EGFR: variants seen among roughly 807,000 people sequenced by gnomAD.
EGFR encodes avian erythroblastic leukemia viral (v-erb-b) oncogene homolog.
Under a neutral mutation model 143.0 loss-of-function variants are expected in EGFR, and 58 were observed. That is an observed-to-expected ratio of 0.41 (90% CI 0.33 to 0.50). EGFR has a LOEUF of 0.50. EGFR is among the 20% of genes least tolerant of loss of function. EGFR has a pLI of 0.39. For missense variants in EGFR, 1,307 were observed against 1,579.0 expected (o/e 0.83, Z 2.92); for synonymous variants, 613 against 594.4 (o/e 1.03, Z -0.45).
chr7:55,131,949 A>G (rs1793864455), intron 1 of EGFR, among the ~76,000 whole-genome samples: 1 of 151,482 alleles, frequency 6.6e-6, no homozygotes, highest in Admixed American at 6.6e-5. Context: ...GAAAAAAAAA[A>G]AAAAAAAAGA....
At chr7:55,122,513 T>A (rs7808726) in intron 1 of EGFR, among the ~76,000 whole-genome samples, 1 of 152,228 alleles carries the variant, frequency 6.6e-6, no homozygotes, top group Non-Finnish European at 1.5e-5. Flanking sequence ...GCTGCGCATT[T>A]CTGCCCTTCT....
intron 19 of EGFR, chr7:55,180,929 A>T (rs1786833019): frequency 2.7e-6 from 1 of 369,196 alleles, no homozygotes; most frequent in South Asian, 2.5e-5. Flanking sequence ...AAAACACAGC[A>T]TCCTCAACCT....
At chr7:55,092,946 A>G (rs2128895751) in intron 1 of EGFR, among the ~76,000 whole-genome samples, 1 of 152,364 alleles carries the variant, frequency 6.6e-6, no homozygotes, top group African/African-American at 2.4e-5. Flanking sequence ...AGAATAACCA[A>G]TTAGAGTATT....
At position 55,153,158 on chromosome 7, in the gene EGFR, C is replaced by G. The variant is rs10268378; in HGVS notation, c.747+494C>G. On this transcript the variant is annotated intron_variant, in intron 6 of 27. Coordinates refer to ENST00000275493, the MANE Select transcript of EGFR (RefSeq NM_005228.5). ...GGGGCTGGGTTAGGGCCTCCTGACA[C>G]GGATCCCTCGGCTCCTCCACCACTG... is the stretch of plus-strand genomic sequence containing the variant. Among the ~76,000 whole-genome samples the G allele has an allele frequency of 4.4e-3, 677 of 152,346 alleles. 3 individuals carry two copies. Among genetic ancestry groups the G allele is most frequent in the African/African-American group, 0.014 (581 of 41,590 alleles).
chr7:55,077,499 G>C (rs1482687884), intron 1 of EGFR, among the ~76,000 whole-genome samples: 4 of 152,152 alleles, frequency 2.6e-5, no homozygotes, highest in Non-Finnish European at 5.9e-5. Flanking sequence ...CTCTGACAGT[G>C]AAAAGTGTGT....
chr7:55,101,478 A>G (rs1791822164), intron 1 of EGFR, among the ~76,000 whole-genome samples: 1 of 152,036 alleles, frequency 6.6e-6, no homozygotes, highest in African/African-American at 2.4e-5. Flanking sequence ...TCCTCTTATC[A>G]CTGTGCTTTT....
intron 1 of EGFR, among the ~76,000 whole-genome samples, chr7:55,100,136 C>G (rs1330464527): frequency 6.6e-6 from 1 of 152,352 alleles, no homozygotes; most frequent in East Asian, 1.9e-4. Context: ...ACTGTGGTGG[C>G]TTTGCCTTTC....
At chr7:55,079,070 G>A (rs1790306559) in intron 1 of EGFR, among the ~76,000 whole-genome samples, 1 of 152,242 alleles carries the variant, frequency 6.6e-6, no homozygotes, top group South Asian at 2.1e-4. Flanking sequence ...AGGCAGCAGG[G>A]ACAGCCTTCA....
At chr7:55,105,692 G>A (rs1419317237) in intron 1 of EGFR, among the ~76,000 whole-genome samples, 1 of 152,156 alleles carries the variant, frequency 6.6e-6, no homozygotes, top group Non-Finnish European at 1.5e-5. Flanking sequence ...AACATCCAGG[G>A]TGAATCACAA....
In EGFR at chr7:55,191,998, G is replaced by A. The variant is rs575749497; in HGVS notation, c.2625+124G>A. 438 of 1,432,058 alleles carry A rather than the reference G, an allele frequency of 3.1e-4. 3 individuals are homozygous for A. In the South Asian group the frequency reaches 3.6e-3, roughly 12 times the overall value. 88.7% of individuals were successfully genotyped at this position (1,432,058 alleles called of 1,614,324 possible). On this transcript the variant is annotated intron_variant, in intron 21 of 27. Transcript: ENST00000275493. The stretch of plus-strand genomic sequence containing the variant: ...CTCTCCAGACATTCTGGGTGAGCTC[G>A]CAGCAGCTGCTGCTGGCAGCTGGGT...
At chr7:55,038,993 G>C (rs1334128081) in intron 1 of EGFR, among the ~76,000 whole-genome samples, 1 of 150,956 alleles carries the variant, frequency 6.6e-6, no homozygotes, top group Non-Finnish European at 1.5e-5. Flanking sequence ...GGGTAGATCT[G>C]GTACCAGTTA....
At chr7:55,050,754 C>T (rs1307171628) in intron 1 of EGFR, among the ~76,000 whole-genome samples, 2 of 152,202 alleles carry the variant, frequency 1.3e-5, no homozygotes, top group African/African-American at 4.8e-5. Flanking sequence ...CACGCTCTCT[C>T]ATCTTGGAGC....
chr7:55,195,654 G>A (rs768390445), intron 22 of EGFR, among the ~76,000 whole-genome samples: 7 of 152,038 alleles, frequency 4.6e-5, no homozygotes, highest in African/African-American at 9.7e-5. Context: ...TATTTTTCCT[G>A]ATCCTCTCCC....
chr7:55,097,002 C>G (rs1209321640), intron 1 of EGFR, among the ~76,000 whole-genome samples: 1 of 152,208 alleles, frequency 6.6e-6, no homozygotes, highest in Non-Finnish European at 1.5e-5. Context: ...ATCCCTGGCT[C>G]CCTTTCCCTA....
chr7:55,066,117 G>A lies in EGFR; in HGVS notation c.88+46752G>A, dbSNP rs886664072. ...GGTGTGTGACAGAGTCCCCTGCACA[G>A]GACAGCCGCACTCCCCTCTTGCGTC... On this transcript the variant is annotated intron_variant, in intron 1 of 27. Coordinates refer to ENST00000275493, the MANE Select transcript of EGFR (RefSeq NM_005228.5). Among the ~76,000 whole-genome samples, 14 of 152,256 alleles carry A rather than the reference G, an allele frequency of 9.2e-5. No individual in the cohort carries two copies. In the South Asian group the frequency reaches 2.9e-3, roughly 32 times the overall value.
At chr7:55,036,625 G>A (rs1432745349) in intron 1 of EGFR, among the ~76,000 whole-genome samples, 6 of 152,092 alleles carry the variant, frequency 3.9e-5, no homozygotes, top group Non-Finnish European at 1.5e-5. Flanking sequence ...TCTCGACGGA[G>A]GTATTGGCTT....
rs139689687 is a variant in EGFR, at chr7:55,155,193, G to A, written c.890-637G>A. On this transcript the variant is annotated intron_variant, in intron 7 of 27. Transcript: ENST00000275493. The stretch of plus-strand genomic sequence containing the variant: ...TCATTGGCTCATGCCTTTAATCCCA[G>A]CACTTTGGGAGACTGAAGGGGCTGG... Among the ~76,000 whole-genome samples the A allele has an allele frequency of 4.9e-4, 75 of 152,324 alleles. 2 individuals carry two copies. The highest frequency in any genetic ancestry group is 1.8e-3 in the African/African-American group (73 of 41,588).
chr7:55,197,023 T>C (rs1247268313), intron 22 of EGFR, among the ~76,000 whole-genome samples: 7 of 152,218 alleles, frequency 4.6e-5, no homozygotes, highest in Non-Finnish European at 7.3e-5. Context: ...AATTTTTAAA[T>C]TGTATTTTCT....
intron 20 of EGFR, among the ~76,000 whole-genome samples, chr7:55,188,669 T>C (rs1158295393): frequency 1.3e-5 from 2 of 152,140 alleles, no homozygotes; most frequent in African/African-American, 2.4e-5. Flanking sequence ...CCCTGGGAGC[T>C]CACAGGCCGT....
Sources: gnomAD v4.1 joint callset for allele counts (sites outside exome capture counted in the v4.1 genomes callset) on GRCh38, gnomAD v4.1.1 for gene constraint, MANE v1.5 for transcripts, NCBI Gene and HGNC (gene_info 2026-07-23, HGNC 2026-07-21) for gene names.